The following FOXA2 variants were observed in gnomAD, a reference collection of about 807,000 sequenced individuals.
The protein encoded by FOXA2 is forkhead box A2, also known as hepatocyte nuclear factor 3-beta.
In FOXA2, 9 loss-of-function variants were observed where a neutral mutation model predicts 33.3. That is an observed-to-expected ratio of 0.27 (90% CI 0.16 to 0.47). The LOEUF is 0.47. FOXA2 is among the 20% of genes least tolerant of loss of function. FOXA2 has a pLI of 0.99. For synonymous variants in FOXA2, 329 were observed against 289.4 expected (o/e 1.14, Z -1.39); for missense variants, 704 against 659.9 (o/e 1.07, Z -0.73).
At position 22,582,929 on chromosome 20, in the gene FOXA2, C is replaced by G; in HGVS notation, c.313G>C (p.Val105Leu). 1 of 1,521,874 alleles carries G rather than the reference C, an allele frequency of 6.6e-7. No individual in the cohort carries two copies. The highest frequency in any genetic ancestry group is 8.8e-7 in the Non-Finnish European group (1 of 1,139,802). The allele number at this position is 1,521,874 out of a possible 1,614,324, so 94.3% of individuals were successfully genotyped here. Residue 105 changes from valine to leucine, a missense_variant, in exon 2 of 2, where the codon GTG becomes CTG. By Grantham distance (32) the Val-to-Leu change is conservative. Transcript: ENST00000419308. ...GMGGSAGAAG[V>L]AGMGPHLSPS... ...CTCAAGTGCGGCCCCATGCCCGCCA[C>G]GCCGGCCGCCCCGGCCGAGCCGCCC... is the stretch of plus-strand genomic sequence containing the variant.
Position 22,584,437 on chromosome 20 carries a change from C to T in FOXA2, c.-159G>A, listed in dbSNP as rs1984696371. On this transcript the variant is annotated 5_prime_UTR_variant, in exon 1 of 2. Coordinates refer to ENST00000419308, the MANE Select transcript of FOXA2 (RefSeq NM_021784.5). ...ACTCCCTCTCTCTCCCTGGGCAGGC[C>T]GGAGGCGGTAGTTGGAAGTGGGCGG... is the stretch of plus-strand genomic sequence containing the variant. 4 of 443,186 alleles carry T rather than the reference C, an allele frequency of 9.0e-6. No individual in the cohort carries two copies. The highest frequency in any genetic ancestry group is 6.9e-4 in the Middle Eastern group (1 of 1,458). 27.5% of individuals were successfully genotyped at this position (443,186 alleles called of 1,614,324 possible). A position where few individuals can be genotyped will look rare whatever the true frequency, so the allele number is the denominator to read the frequency against.
Position 22,581,705 on chromosome 20 carries a change from G to A in FOXA2, c.*145C>T. On this transcript the variant is annotated 3_prime_UTR_variant, in exon 2 of 2. Coordinates refer to ENST00000419308, the MANE Select transcript of FOXA2 (RefSeq NM_021784.5). ...GCGGGTGAAGAAGACTGCTGTCTTG[G>A]GGGTGTTGGGGTGGGGGTGTTATGG... 1.4e-6 allele frequency: 1 copy of A among 734,702 alleles called. No individual in the cohort carries two copies. Among genetic ancestry groups the A allele is most frequent in the Non-Finnish European group, 2.3e-6 (1 of 431,484 alleles). 45.5% of individuals were successfully genotyped at this position (734,702 alleles called of 1,614,324 possible).
Position 22,584,124 on chromosome 20 carries a change from C to A in FOXA2, c.87+68G>T. On this transcript the variant is annotated intron_variant, in intron 1 of 1. Transcript: ENST00000419308. The stretch of plus-strand genomic sequence containing the variant: ...GGTGGGGGGGTGCCAGCGAGGGAAG[C>A]GGTCCTGAGGTTGGGGAAGGAGCGA... The A allele has an allele frequency of 2.7e-6, 4 of 1,473,738 alleles. No individual in the cohort carries two copies. The South Asian group carries it at 3.4e-5, about 13-fold the overall frequency. The allele number at this position is 1,473,738 out of a possible 1,614,324, so 91.3% of individuals were successfully genotyped here.
At chr20:22,585,126 C>A (rs1302821205), upstream of FOXA2, 1 of 152,262 alleles carries the variant, frequency 6.6e-6, no homozygotes, top group East Asian at 1.9e-4. Context: ...GAGGGCGCGT[C>A]CAGCCTCAGT....
intron 1 of FOXA2, 57 bp from the exon 2 acceptor site, chr20:22,583,211 C>T (rs1600434354): frequency 2.5e-6 from 4 of 1,580,082 alleles, no homozygotes; most frequent in East Asian, 4.5e-5. Flanking sequence ...CTGGAGGGTG[C>T]CCAGACCTCC....
upstream of FOXA2, chr20:22,584,594 G>A (rs370745578): frequency 2.8e-3 from 663 of 237,758 alleles, 18 homozygotes; most frequent in East Asian, 0.036. Context: ...CCGAGGCGGC[G>A]GGAAGCGCGC....
chr20:22,585,484 T>C (rs539547448), upstream of FOXA2: 1 of 152,350 alleles, frequency 6.6e-6, no homozygotes, highest in East Asian at 1.9e-4. Flanking sequence ...GGCTGAGATT[T>C]GTCTCTGATA....
chr20:22,585,081 C>T (rs983664122), upstream of FOXA2, among the ~76,000 whole-genome samples: 1 of 152,188 alleles, frequency 6.6e-6, no homozygotes, highest in African/African-American at 2.4e-5. Context: ...GCCCCCGCCC[C>T]GTCTCATCGC....
At chr20:22,583,620 CCT>C (rs1568717460) in intron 1 of FOXA2, among the ~76,000 whole-genome samples, 1 of 152,252 alleles carries the variant, frequency 6.6e-6, no homozygotes, top group African/African-American at 2.4e-5. Context: ...TCCCGGGCCC[CCT>C]CTGTCCGGTC....
chr20:22,581,845 T>G lies in FOXA2; in HGVS notation c.*5A>C, dbSNP rs200122483. ...GAGTTAGCCGGGCCTGAAGCCGTCG[T>G]CTTCTTAAGAGGAGTTCATAATGGG... is the stretch of plus-strand genomic sequence containing the variant. On this transcript the variant is annotated 3_prime_UTR_variant, in exon 2 of 2. Transcript: ENST00000419308. The G allele has an allele frequency of 1.7e-4, 268 of 1,607,380 alleles. No individual in the cohort carries two copies. Among genetic ancestry groups the G allele is most frequent in the Non-Finnish European group, 1.1e-4 (134 of 1,174,660 alleles).
Position 22,581,961 on chromosome 20 carries a change from G to C in FOXA2, c.1281C>G (p.Ser427Arg). The change falls in exon 2 of 2, where the codon AGC becomes AGG. Residue 427 changes from serine (S) to arginine (R), a missense_variant. Ser to Arg is a moderately radical substitution (Grantham distance 110). Around this residue, in one of 5 missense-constraint regions of FOXA2, gnomAD observed 343 missense variants for 274.8 expected, o/e 1.25. Coordinates refer to ENST00000419308, the MANE Select transcript of FOXA2 (RefSeq NM_021784.5). ...TGTTCGTGACCGGGCCCATGGCCAA[G>C]CTGCCAGGCATGGGGGAACCGTAGC... ...YPGYGSPMPGSLAMGPVTNKT... is the reference protein window; with the variant it reads ...YPGYGSPMPGRLAMGPVTNKT... The C allele has an allele frequency of 6.2e-7, 1 of 1,612,636 alleles. No homozygotes were observed. Among genetic ancestry groups the C allele is most frequent in the Non-Finnish European group, 8.5e-7 (1 of 1,178,690 alleles).
rs1055080 is a variant in FOXA2, at chr20:22,581,800, G to A, written c.*50C>T. 0.078 allele frequency: 122,887 copies of A among 1,571,958 alleles called. 17,559 individuals carry two copies. The highest frequency in any genetic ancestry group is 0.62 in the African/African-American group (45,732 of 73,848). On this transcript the variant is annotated 3_prime_UTR_variant, in exon 2 of 2. Transcript: ENST00000419308. Reference sequence around the variant, plus strand: ...TCGACCCCCACTTGCTCTCTCACTTGTCCTCGATCCGGGGTGCCAGAGTTA... The same window carrying A: ...TCGACCCCCACTTGCTCTCTCACTTATCCTCGATCCGGGGTGCCAGAGTTA...
upstream of FOXA2, among the ~76,000 whole-genome samples, chr20:22,584,682 G>A (rs1329021702): frequency 6.9e-6 from 1 of 145,654 alleles, no homozygotes; most frequent in Non-Finnish European, 1.5e-5. Flanking sequence ...TGGAGGAGGA[G>A]GAGGAGGAGG....
Position 22,582,339 on chromosome 20 carries a change from G to A in FOXA2, c.903C>T (p.Ser301=), listed in dbSNP as rs1401488482. The change falls in exon 2 of 2, where the codon TCC becomes TCT. Residue 301 remains serine (S), a synonymous_variant. Coordinates refer to ENST00000419308, the MANE Select transcript of FOXA2 (RefSeq NM_021784.5). ...AQLGEAAGPA[S]ETPAGTESPH... ...GCGACTCGGTGCCCGCCGGAGTCTC[G>A]GAGGCCGGCCCGGCGGCCTCCCCGA... 3 of 1,480,672 alleles carry A rather than the reference G, an allele frequency of 2.0e-6. No individual in the cohort carries two copies. The highest frequency in any genetic ancestry group is 2.4e-5 in the East Asian group (1 of 40,914). 91.7% of individuals were successfully genotyped at this position (1,480,672 alleles called of 1,614,324 possible).
rs1036107148 is a variant in FOXA2 at position 22,581,957 on chromosome 20, C to T, written c.1285G>A (p.Ala429Thr). Reference sequence around the variant, plus strand: ...GTTTTGTTCGTGACCGGGCCCATGGCCAAGCTGCCAGGCATGGGGGAACCG... The same window carrying T: ...GTTTTGTTCGTGACCGGGCCCATGGTCAAGCTGCCAGGCATGGGGGAACCG... Reference protein sequence around the residue: ...GYGSPMPGSLAMGPVTNKTGL... With the variant: ...GYGSPMPGSLTMGPVTNKTGL... Residue 429 changes from alanine to threonine, a missense_variant, in exon 2 of 2, where the codon GCC (alanine) becomes ACC (threonine). By Grantham distance (58) the Ala-to-Thr change is moderately conservative (BLOSUM62 0). This residue lies in a region of FOXA2 where 343 missense variants were observed against 274.8 expected (regional missense o/e 1.25). Transcript: ENST00000419308. 1 of 1,612,460 alleles carries T rather than the reference C, an allele frequency of 6.2e-7. No homozygotes were observed. The highest frequency in any genetic ancestry group is 8.5e-7 in the Non-Finnish European group (1 of 1,178,600).
rs1304085938 is a variant in FOXA2, at chr20:22,581,946, C to G, written c.1296G>C (p.Pro432=). 3.1e-6 allele frequency: 5 copies of G among 1,611,804 alleles called. No homozygotes were observed. Among genetic ancestry groups the G allele is most frequent in the Admixed American group, 3.3e-5 (2 of 59,966 alleles). Residue 432 remains proline (P), a synonymous_variant, in exon 2 of 2, where the codon CCG becomes CCC. Transcript: ENST00000419308. ...SPMPGSLAMG[P]VTNKTGLDAS... is the part of the protein sequence containing the mutation. ...CGTCCAGGCCCGTTTTGTTCGTGAC[C>G]GGGCCCATGGCCAAGCTGCCAGGCA...
Position 22,582,030 on chromosome 20 carries a change from G to T in FOXA2, c.1212C>A (p.His404Gln). Residue 404 changes from histidine to glutamine, a missense_variant, in exon 2 of 2, where the codon CAC becomes CAA. Physicochemically the swap from His to Gln is conservative, Grantham distance 24. Around this residue, in one of 5 missense-constraint regions of FOXA2, gnomAD observed 343 missense variants for 274.8 expected, o/e 1.25. Transcript: ENST00000419308. ...GTTCGTAGGCCTTGAGGTCCATTTT[G>T]TGGGGTTGGTGGTGGTGGTGGCTGT... ...HHHSHHHHQP[H>Q]KMDLKAYEQV... is the part of the protein sequence containing the mutation. The T allele has an allele frequency of 1.2e-6, 2 of 1,614,188 alleles. No individual in the cohort carries two copies. Among genetic ancestry groups the T allele is most frequent in the Non-Finnish European group, 1.7e-6 (2 of 1,180,014 alleles).
chr20:22,583,276 C>A, intron 1 of FOXA2, 122 bp from the exon 2 acceptor site: 3 of 972,968 alleles, frequency 3.1e-6, no homozygotes, highest in Non-Finnish European at 4.9e-6. Flanking sequence ...CCCTTTCGTC[C>A]CCGATGGCCC....
chr20:22,583,291 T>C, intron 1 of FOXA2, 137 bp from the exon 2 acceptor site: 1 of 871,630 alleles, frequency 1.1e-6, no homozygotes, highest in Non-Finnish European at 1.9e-6. Context: ...TGGCCCAGTC[T>C]CCGGACTCCG....
Sources: gnomAD v4.1 joint callset for allele counts (sites outside exome capture counted in the v4.1 genomes callset) on GRCh38, gnomAD v4.1.1 for gene constraint, gnomAD v4.1.1 regional missense constraint, MANE v1.5 for transcripts, NCBI Gene and HGNC (gene_info 2026-07-23, HGNC 2026-07-21) for gene names.